The following NDST3 variants were observed in gnomAD, a reference collection of about 807,000 sequenced individuals.
The protein encoded by NDST3 is N-deacetylase and N-sulfotransferase 3, also known as bifunctional heparan sulfate N-deacetylase/N-sulfotransferase 3.
In NDST3, 58 loss-of-function variants were observed where a neutral mutation model predicts 96.1. The observed-to-expected ratio is 0.60, with a 90% CI of 0.49 to 0.75. NDST3 has a LOEUF of 0.75. NDST3 is among the 30% of genes least tolerant of loss of function. The pLI is 0.00. For synonymous variants in NDST3, 333 were observed against 359.7 expected (o/e 0.93, Z 0.84); for missense variants, 788 against 1,034.2 (o/e 0.76, Z 3.27).
chr4:118,138,302 A>G, intron 5 of NDST3, 63 bp downstream of exon 5: 5 of 1,407,598 alleles, frequency 3.6e-6, no homozygotes, highest in Non-Finnish European at 4.8e-6. Context: ...CCTCACTTGA[A>G]GAAAGAAAAA....
At chr4:118,066,183 T>TAC (rs1440302764) in intron 2 of NDST3, among the ~76,000 whole-genome samples, 3 of 22,352 alleles carry the variant, frequency 1.3e-4, no homozygotes, top group African/African-American at 2.7e-4. Context: ...TTATATATTA[T>TAC]ATATCTTATA....
At chr4:118,066,213 TACATA>T (rs1425465460) in intron 2 of NDST3, among the ~76,000 whole-genome samples, 5 of 68,526 alleles carry the variant, frequency 7.3e-5, no homozygotes, top group African/African-American at 2.4e-4. Flanking sequence ...TTATATATTA[TACATA>T]ATATATTATA....
chr4:118,247,310 G>A (rs1741380405), intron 12 of NDST3, among the ~76,000 whole-genome samples: 1 of 152,054 alleles, frequency 6.6e-6, no homozygotes, highest in African/African-American at 2.4e-5. Context: ...CCAGCACTTT[G>A]GGAGGCCGAG....
intron 6 of NDST3, among the ~76,000 whole-genome samples, chr4:118,222,001 A>T (rs1739578896): frequency 6.6e-6 from 1 of 151,698 alleles, no homozygotes; most frequent in South Asian, 2.1e-4. Context: ...CTAAAAAAAA[A>T]AAAACAAAAA....
At position 118,176,534 on chromosome 4, in the gene NDST3, A is replaced by G. The variant is rs189760665; in HGVS notation, c.1539+32850A>G. Among the ~76,000 whole-genome samples the G allele has an allele frequency of 5.3e-3, 803 of 152,194 alleles. 14 individuals are homozygous for G. Among genetic ancestry groups the G allele is most frequent in the African/African-American group, 0.018 (762 of 41,554 alleles). ...TGCTCTTATGAATCCATTGCACGTG[A>G]TGAGTTCACTTCTCTAGCTTTGTAC... On this transcript the variant is annotated intron_variant, in intron 6 of 13. Coordinates refer to ENST00000296499, the MANE Select transcript of NDST3 (RefSeq NM_004784.3).
At chr4:118,230,119 A>G (rs985012816) in intron 8 of NDST3, among the ~76,000 whole-genome samples, 1 of 152,220 alleles carries the variant, frequency 6.6e-6, no homozygotes, top group African/African-American at 2.4e-5. Context: ...CCTAGAATTT[A>G]CCTGACTTCA....
At chr4:118,128,781 G>A (rs1732344913) in intron 4 of NDST3, among the ~76,000 whole-genome samples, 1 of 151,932 alleles carries the variant, frequency 6.6e-6, no homozygotes, top group Non-Finnish European at 1.5e-5. Flanking sequence ...TTCTTTAAAT[G>A]TTTGGTAGAA....
intron 12 of NDST3, 23 bp downstream of exon 12, chr4:118,242,172 T>A: frequency 6.9e-7 from 1 of 1,452,766 alleles, no homozygotes; most frequent in Non-Finnish European, 9.6e-7. Flanking sequence ...TCTAATTAGT[T>A]TATTGACATT....
At chr4:118,193,431 G>A in intron 6 of NDST3, 2 of 680,666 alleles carry the variant, frequency 2.9e-6, no homozygotes, top group Non-Finnish European at 4.9e-6. Flanking sequence ...ACTTGAGACT[G>A]GCTCTCTGTG....
chr4:118,214,681 T>C (rs369992451), intron 6 of NDST3, among the ~76,000 whole-genome samples: 10 of 152,168 alleles, frequency 6.6e-5, no homozygotes, highest in East Asian at 3.9e-4. Flanking sequence ...TAAGATTCAA[T>C]GAAAGATTAA....
chr4:118,087,428 C>T (rs894037085), intron 2 of NDST3, among the ~76,000 whole-genome samples: 3 of 152,102 alleles, frequency 2.0e-5, no homozygotes, highest in East Asian at 3.9e-4. Context: ...CATATCCTTT[C>T]CCTTCCCATC....
intron 6 of NDST3, among the ~76,000 whole-genome samples, chr4:118,151,556 C>T (rs1326266963): frequency 6.6e-6 from 1 of 152,066 alleles, no homozygotes; most frequent in African/African-American, 2.4e-5. Context: ...GCTCTACATA[C>T]TCACCATGCG....
intron 2 of NDST3, among the ~76,000 whole-genome samples, chr4:118,065,271 C>A (rs981863436): frequency 6.6e-6 from 1 of 152,134 alleles, no homozygotes; most frequent in African/African-American, 2.4e-5. Flanking sequence ...GTTTTCCTCA[C>A]TGGGAAATGA....
chr4:118,060,153 C>T (rs1578553583), intron 2 of NDST3, among the ~76,000 whole-genome samples: 2 of 151,978 alleles, frequency 1.3e-5, no homozygotes, highest in Non-Finnish European at 2.9e-5. Flanking sequence ...AATGGTATCC[C>T]TGATGCTACC....
intron 6 of NDST3, among the ~76,000 whole-genome samples, chr4:118,164,925 T>C (rs951684839): frequency 4.6e-5 from 7 of 152,002 alleles, no homozygotes; most frequent in African/African-American, 1.4e-4. Flanking sequence ...GAAAATACTT[T>C]TTAAAAACTA....
intron 8 of NDST3, among the ~76,000 whole-genome samples, chr4:118,231,134 G>A (rs562984628): frequency 1.2e-4 from 18 of 151,888 alleles, no homozygotes; most frequent in Non-Finnish European, 2.6e-4. Flanking sequence ...TCAGGAGTTC[G>A]AGACCAGCCT....
chr4:118,167,763 T>G (rs1394252085), intron 6 of NDST3, among the ~76,000 whole-genome samples: 1 of 152,040 alleles, frequency 6.6e-6, no homozygotes, highest in African/African-American at 2.4e-5. Context: ...TCTATGCATA[T>G]GTTGTCAACT....
At chr4:118,045,769 T>C (rs1324196500) in intron 1 of NDST3, among the ~76,000 whole-genome samples, 1 of 152,188 alleles carries the variant, frequency 6.6e-6, no homozygotes, top group African/African-American at 2.4e-5. Flanking sequence ...TAGACTCTAA[T>C]CTTATGACAA....
At chr4:118,096,659 GTAGATAGATAGA>G (rs56067967) in intron 2 of NDST3, among the ~76,000 whole-genome samples, 229 of 144,934 alleles carry the variant, frequency 1.6e-3, no homozygotes, top group East Asian at 3.7e-3. Flanking sequence ...TATGGCTAGA[GTAGATAGATAGA>G]TAGATAGATA....
Sources: allele counts gnomAD v4.1 joint callset (sites outside exome capture counted in the v4.1 genomes callset), GRCh38; gene constraint gnomAD v4.1.1; transcripts MANE v1.5; gene names NCBI Gene and HGNC (gene_info 2026-07-23, HGNC 2026-07-21).